Variants in ADAMTSL1 observed in about 807,000 individuals in gnomAD.
ADAMTSL1 encodes ADAMTS-like protein 1.
In ADAMTSL1, 126 loss-of-function variants were observed where a neutral mutation model predicts 201.8. The ratio of observed to expected loss-of-function variants is 0.62; its 90% CI spans 0.54 to 0.72. The LOEUF (loss-of-function observed/expected upper bound fraction) is 0.72, where lower values mean the gene tolerates loss of function less well. Ranked by LOEUF, ADAMTSL1 falls within the 30% of genes least tolerant of loss-of-function variation. ADAMTSL1 has a pLI of 0.00. For missense variants in ADAMTSL1, 2,679 were observed against 2,277.8 expected, an observed-to-expected ratio of 1.18 and a Z score of -3.59; for synonymous variants, 1,121 against 903.4, an observed-to-expected ratio of 1.24 and a Z score of -4.32.
intron 1 of ADAMTSL1, among the ~76,000 whole-genome samples, chr9:17,941,933 C>G (rs986997136): frequency 6.6e-6 from 1 of 152,064 alleles, no homozygotes; most frequent in African/African-American, 2.4e-5. Context: ...CCTTGGGATC[C>G]CTTTTATAAG....
rs193273472 is a variant in ADAMTSL1 at position 18,038,166 on chromosome 9, C to T, written c.88-125696C>T. Among the ~76,000 whole-genome samples, 5 of 152,300 alleles carry T rather than the reference C, an allele frequency of 3.3e-5. No homozygotes were observed. The East Asian group carries it at 9.7e-4, about 29-fold the overall frequency. Reference sequence around the variant, plus strand: ...TTTCACTGAAGCGTCAACCACACCTCTGCCATCAGGTAGACCATCTGCTCA... The same window carrying T: ...TTTCACTGAAGCGTCAACCACACCTTTGCCATCAGGTAGACCATCTGCTCA... On this transcript the variant is annotated intron_variant, in intron 1 of 29. Coordinates refer to the ADAMTSL1 transcript ENST00000680146.
chr9:18,335,385 C>CTGGT (rs1835191818), intron 2 of ADAMTSL1, among the ~76,000 whole-genome samples: 5 of 151,944 alleles, frequency 3.3e-5, no homozygotes, highest in Admixed American at 1.3e-4. Flanking sequence ...TGGTTTTGAA[C>CTGGT]TCCTGGTTCT....
At chr9:18,210,423 T>G (rs1587318267) in intron 2 of ADAMTSL1, among the ~76,000 whole-genome samples, 1 of 145,946 alleles carries the variant, frequency 6.9e-6, no homozygotes, top group Non-Finnish European at 1.5e-5. Flanking sequence ...TGATATATAT[T>G]AATAAATATA....
Position 18,287,581 on chromosome 9 carries a change from A to ATG in ADAMTSL1, c.207+123604_207+123605dup, listed in dbSNP as rs959888778. On this transcript the variant is annotated intron_variant, in intron 2 of 29. Transcript: ENST00000680146. ...AGAAATATTACATATATGTAAATAT[A>ATG]TGTGTATATATACACACATATATGC... 8.2e-5 allele frequency among the ~76,000 whole-genome samples: 12 copies of ATG among 145,960 alleles called. No homozygotes were observed. In the South Asian group the frequency reaches 1.7e-3, roughly 20 times the overall value.
chr9:18,826,352 G>A lies in ADAMTSL1; in HGVS notation c.4003G>A (p.Glu1335Lys), dbSNP rs369442212. 5.0e-5 allele frequency: 81 copies of A among 1,613,304 alleles called. No homozygotes were observed. The African/African-American group carries it at 6.1e-4, about 12-fold the overall frequency. The change falls in exon 22 of 29, where the codon GAA (glutamate) becomes AAA (lysine). Residue 1335 changes from glutamate to lysine, a missense_variant. Glu to Lys is a moderately conservative substitution (Grantham distance 56, BLOSUM62 1). Coordinates refer to ENST00000380548, the MANE Select transcript of ADAMTSL1 (RefSeq NM_001040272.6). ...SKLGSPHHLH[E>K]GSLLLTNVSS... ...ACTGGGCTCCCCGCACCATCTGCACGAAGGCTCCTTGCTGCTCACAAACGT... is the reference window on the plus strand; with the variant it reads ...ACTGGGCTCCCCGCACCATCTGCACAAAGGCTCCTTGCTGCTCACAAACGT...
At chr9:18,592,001 G>C (rs183567624) in intron 4 of ADAMTSL1, among the ~76,000 whole-genome samples, 13 of 152,276 alleles carry the variant, frequency 8.5e-5, no homozygotes, top group African/African-American at 3.1e-4. Flanking sequence ...ATGCAGTCAG[G>C]CATTGTCATG....
intron 20 of ADAMTSL1, among the ~76,000 whole-genome samples, chr9:18,803,731 C>T (rs1188912710): frequency 1.3e-5 from 2 of 151,892 alleles, no homozygotes; most frequent in Non-Finnish European, 2.9e-5. Context: ...TTTAAAAATC[C>T]TTTTTTGGGT....
chr9:18,578,440 A>G (rs373648180), intron 4 of ADAMTSL1, among the ~76,000 whole-genome samples: 6 of 152,114 alleles, frequency 3.9e-5, no homozygotes, highest in African/African-American at 1.4e-4. Context: ...GACTAGATGA[A>G]GTTAGAGAGA....
chr9:18,507,837 T>G (rs1009860986), intron 2 of ADAMTSL1, among the ~76,000 whole-genome samples: 8 of 152,164 alleles, frequency 5.3e-5, no homozygotes, highest in Non-Finnish European at 1.0e-4. Flanking sequence ...TGGATACTAG[T>G]CAGACCCATT....
intron 1 of ADAMTSL1, among the ~76,000 whole-genome samples, chr9:18,095,342 G>A (rs887938484): frequency 1.3e-5 from 2 of 149,316 alleles, no homozygotes; most frequent in African/African-American, 2.4e-5. Context: ...AGTGTTGAAA[G>A]TTCAAATTGG....
At chr9:18,498,733 A>G (rs1198543779) in intron 1 of ADAMTSL1, among the ~76,000 whole-genome samples, 1 of 152,156 alleles carries the variant, frequency 6.6e-6, no homozygotes, top group African/African-American at 2.4e-5. Flanking sequence ...GTCTCACTCT[A>G]AAGTCTGTGC....
At chr9:18,204,370 G>C (rs2132286842) in intron 2 of ADAMTSL1, among the ~76,000 whole-genome samples, 1 of 152,202 alleles carries the variant, frequency 6.6e-6, no homozygotes, top group South Asian at 2.1e-4. Flanking sequence ...ACCTTGTGAA[G>C]AAGGTGCCTT....
chr9:18,767,219 G>C (rs1820416738), intron 16 of ADAMTSL1, among the ~76,000 whole-genome samples: 1 of 152,194 alleles, frequency 6.6e-6, no homozygotes, highest in South Asian at 2.1e-4. Flanking sequence ...GCATAGGGGA[G>C]AGGTCAGAGC....
intron 4 of ADAMTSL1, among the ~76,000 whole-genome samples, chr9:18,615,601 A>G (rs1235932309): frequency 6.6e-6 from 1 of 152,198 alleles, no homozygotes; most frequent in Non-Finnish European, 1.5e-5. Flanking sequence ...TGGTTATGTT[A>G]TTCACCAGCT....
chr9:18,074,821 C>G (rs1400500503), intron 1 of ADAMTSL1, among the ~76,000 whole-genome samples: 1 of 152,026 alleles, frequency 6.6e-6, no homozygotes, highest in Non-Finnish European at 1.5e-5. Flanking sequence ...AAACTCCTAA[C>G]CTCAGGTGAT....
intron 21 of ADAMTSL1, among the ~76,000 whole-genome samples, chr9:18,819,538 G>A (rs1824080413): frequency 6.6e-6 from 1 of 151,950 alleles, no homozygotes; most frequent in Admixed American, 6.5e-5. Flanking sequence ...ACCAGAATCT[G>A]GTTGAGGAAG....
At chr9:18,313,031 C>A (rs1363192228) in intron 2 of ADAMTSL1, among the ~76,000 whole-genome samples, 1 of 152,164 alleles carries the variant, frequency 6.6e-6, no homozygotes, top group Non-Finnish European at 1.5e-5. Flanking sequence ...AAACTCATGA[C>A]TGTGGCCTGA....
intron 2 of ADAMTSL1, among the ~76,000 whole-genome samples, chr9:18,396,782 T>C (rs111766252): frequency 2.0e-5 from 3 of 152,114 alleles, no homozygotes; most frequent in African/African-American, 7.2e-5. Flanking sequence ...TAGTCACTTT[T>C]AAATTACAAG....
At chr9:18,859,662 C>A (rs914361018) in intron 23 of ADAMTSL1, among the ~76,000 whole-genome samples, 11 of 152,292 alleles carry the variant, frequency 7.2e-5, no homozygotes, top group Admixed American at 5.2e-4. Flanking sequence ...ATGATACCTA[C>A]TGAGCTATCA....
Sources: gnomAD v4.1 joint callset for allele counts (sites outside exome capture counted in the v4.1 genomes callset) on GRCh38, gnomAD v4.1.1 for gene constraint, MANE v1.5 for transcripts, NCBI Gene and HGNC (gene_info 2026-07-23, HGNC 2026-07-21) for gene names.